CADM2: variants seen among roughly 807,000 people sequenced by gnomAD.
CADM2 encodes immunoglobulin superfamily member 4D.
In CADM2, 12 loss-of-function variants were observed where a neutral mutation model predicts 49.8. The observed-to-expected ratio is 0.24, with a 90% CI of 0.15 to 0.39. The LOEUF (loss-of-function observed/expected upper bound fraction) is 0.39, where lower values mean the gene tolerates loss of function less well. CADM2 is among the 10% of genes least tolerant of loss of function. The pLI is 1.00. For missense variants in CADM2, 378 were observed against 492.3 expected (o/e 0.77, Z 2.20); for synonymous variants, 214 against 175.4 (o/e 1.22, Z -1.74).
intron 1 of CADM2, among the ~76,000 whole-genome samples, chr3:85,274,229 G>A (rs1382420172): frequency 6.6e-6 from 1 of 150,906 alleles, no homozygotes; most frequent in African/African-American, 2.4e-5. Context: ...AAAGTTACAG[G>A]AATAGATTAA....
At chr3:86,042,504 A>G (rs1377350042) in intron 8 of CADM2, among the ~76,000 whole-genome samples, 3 of 152,194 alleles carry the variant, frequency 2.0e-5, no homozygotes, top group Non-Finnish European at 2.9e-5. Flanking sequence ...TCCTTGACAC[A>G]TACACCCTCC....
chr3:85,693,723 C>CCAA (rs2066461497), intron 1 of CADM2, among the ~76,000 whole-genome samples: 3 of 66,556 alleles, frequency 4.5e-5, no homozygotes, highest in Admixed American at 1.9e-4. Flanking sequence ...ACGTATCTAC[C>CCAA]AAAAAAAAAA....
In CADM2 at chr3:85,714,788, C is replaced by T. The variant is rs191764343; in HGVS notation, c.62-11734C>T. On this transcript the variant is annotated intron_variant, in intron 1 of 9. Coordinates refer to ENST00000383699, the MANE Select transcript of CADM2 (RefSeq NM_001167675.2). ...TTCTTTTCCCACCTCCTTTTACTCC[C>T]CTCGTTAAGATGATGCTATAAACCC... is the stretch of plus-strand genomic sequence containing the variant. Among the ~76,000 whole-genome samples the T allele has an allele frequency of 4.6e-4, 70 of 152,142 alleles. 1 individual carries two copies. Among genetic ancestry groups the T allele is most frequent in the African/African-American group, 1.6e-3 (66 of 41,512 alleles).
chr3:85,424,633 C>G (rs2036318428), intron 1 of CADM2, among the ~76,000 whole-genome samples: 1 of 152,084 alleles, frequency 6.6e-6, no homozygotes, highest in Non-Finnish European at 1.5e-5. Context: ...GAAATGCAAA[C>G]AGCAAAATTT....
intron 1 of CADM2, among the ~76,000 whole-genome samples, chr3:85,181,444 T>G (rs1410823347): frequency 2.0e-5 from 3 of 152,122 alleles, no homozygotes; most frequent in Non-Finnish European, 4.4e-5. Flanking sequence ...AAGTAGTATT[T>G]GTTAGAAAAC....
At chr3:85,602,736 G>T (rs2063444341) in intron 1 of CADM2, among the ~76,000 whole-genome samples, 1 of 151,782 alleles carries the variant, frequency 6.6e-6, no homozygotes, top group Non-Finnish European at 1.5e-5. Context: ...GTAGTATCAA[G>T]ATGAGCATAG....
Position 84,959,124 on chromosome 3 carries a change from C to T in CADM2, c.-484C>T, listed in dbSNP as rs2030190434. 5.1e-6 allele frequency: 1 copy of T among 195,510 alleles called. No individual in the cohort carries two copies. Among genetic ancestry groups the T allele is most frequent in the South Asian group, 7.0e-5 (1 of 14,382 alleles). The allele number at this position is 195,510 out of a possible 1,614,324, so 12.1% of individuals were successfully genotyped here. A position where few individuals can be genotyped will look rare whatever the true frequency, so the allele number is the denominator to read the frequency against. ...TGCTTCCACTGCTTCTACCTCCCCT[C>T]CCAGGACCCCGAGACACCCCGGGCG... On this transcript the variant is annotated 5_prime_UTR_variant, in exon 1 of 10. Coordinates refer to ENST00000383699, the MANE Select transcript of CADM2 (RefSeq NM_001167675.2).
chr3:85,251,882 A>G (rs1401550166), intron 1 of CADM2, among the ~76,000 whole-genome samples: 1 of 152,008 alleles, frequency 6.6e-6, no homozygotes, highest in Admixed American at 6.6e-5. Flanking sequence ...TAAACAAAGA[A>G]TTCTCTAAAT....
intron 1 of CADM2, among the ~76,000 whole-genome samples, chr3:85,599,799 T>C (rs548732529): frequency 6.6e-6 from 1 of 152,070 alleles, no homozygotes; most frequent in African/African-American, 2.4e-5. Flanking sequence ...TTTTAAAAAA[T>C]ATTTTAGGAA....
At chr3:85,362,271 A>G (rs2032415187) in intron 1 of CADM2, among the ~76,000 whole-genome samples, 1 of 152,200 alleles carries the variant, frequency 6.6e-6, no homozygotes, top group African/African-American at 2.4e-5. Context: ...TCTACTTTTC[A>G]GTAACTACAA....
intron 1 of CADM2, among the ~76,000 whole-genome samples, chr3:85,001,410 T>C (rs1431950811): frequency 1.3e-5 from 2 of 152,122 alleles, no homozygotes; most frequent in Non-Finnish European, 2.9e-5. Context: ...CTTGTGTTCA[T>C]GTACATATGT....
Position 86,068,069 on chromosome 3 carries a change from G to C in CADM2, c.*1286G>C, listed in dbSNP as rs762480220. On this transcript the variant is annotated 3_prime_UTR_variant, in exon 10 of 10. Coordinates refer to ENST00000383699, the MANE Select transcript of CADM2 (RefSeq NM_001167675.2). ...CTTACCTATGTTGGTTTGCCAAAAAGAAGTGTTTAAGATATGTTTTCTGTA... is the reference window on the plus strand; with the variant it reads ...CTTACCTATGTTGGTTTGCCAAAAACAAGTGTTTAAGATATGTTTTCTGTA... 1 of 152,326 alleles carries C rather than the reference G, an allele frequency of 6.6e-6. No individual in the cohort carries two copies. Among genetic ancestry groups the C allele is most frequent in the Non-Finnish European group, 1.5e-5 (1 of 67,834 alleles). 9.4% of individuals were successfully genotyped at this position (152,326 alleles called of 1,614,324 possible).
intron 1 of CADM2, among the ~76,000 whole-genome samples, chr3:85,248,626 C>T (rs1438395673): frequency 1.3e-5 from 2 of 152,104 alleles, no homozygotes; most frequent in African/African-American, 4.8e-5. Flanking sequence ...CGTGAATGTT[C>T]ATTAATTGCC....
chr3:85,802,123 T>C lies in CADM2; in HGVS notation c.165T>C (p.Val55=). 6.2e-7 allele frequency: 1 copy of C among 1,613,380 alleles called. No individual in the cohort carries two copies. The highest frequency in any genetic ancestry group is 8.5e-7 in the Non-Finnish European group (1 of 1,179,550). Residue 55 remains valine (V), a synonymous_variant, in exon 3 of 10, where the codon GTT becomes GTC. Coordinates refer to ENST00000383699, the MANE Select transcript of CADM2 (RefSeq NM_001167675.2). ...GAACTGCAATTTTGACCTGCAGGGT[T>C]GATCAAAATGATAACACCTCCCTCC... ...EGGTAILTCR[V]DQNDNTSLQW...
chr3:85,703,979 C>T (rs1171868837), intron 1 of CADM2, among the ~76,000 whole-genome samples: 1 of 152,180 alleles, frequency 6.6e-6, no homozygotes, highest in Non-Finnish European at 1.5e-5. Context: ...TGCTCTGCAA[C>T]ATTGATTCAG....
At chr3:85,870,918 A>G (rs1230365845) in intron 3 of CADM2, among the ~76,000 whole-genome samples, 2 of 152,210 alleles carry the variant, frequency 1.3e-5, no homozygotes, top group African/African-American at 4.8e-5. Context: ...GCTTAAATGT[A>G]AAACCCAAAA....
chr3:85,797,101 A>G (rs983459572), intron 2 of CADM2, among the ~76,000 whole-genome samples: 2 of 151,872 alleles, frequency 1.3e-5, no homozygotes, highest in South Asian at 2.1e-4. Context: ...TAAAAAAAAA[A>G]AAAGAAAAAG....
At chr3:85,986,395 C>T (rs959607398) in intron 8 of CADM2, among the ~76,000 whole-genome samples, 2 of 151,692 alleles carry the variant, frequency 1.3e-5, no homozygotes, top group Admixed American at 6.6e-5. Context: ...CAGTTAAATC[C>T]CAAAGTGTGC....
At chr3:85,500,082 A>G (rs1446654324) in intron 1 of CADM2, among the ~76,000 whole-genome samples, 1 of 152,206 alleles carries the variant, frequency 6.6e-6, no homozygotes, top group Non-Finnish European at 1.5e-5. Flanking sequence ...TAGAGTCCCA[A>G]AATAATAATA....
Sources: gnomAD v4.1 joint callset for allele counts (sites outside exome capture counted in the v4.1 genomes callset) on GRCh38, gnomAD v4.1.1 for gene constraint, MANE v1.5 for transcripts, NCBI Gene and HGNC (gene_info 2026-07-23, HGNC 2026-07-21) for gene names.